The following DCUN1D4 variants were observed in gnomAD, a reference collection of about 807,000 sequenced individuals.
DCUN1D4 encodes defective in cullin neddylation 1 domain containing 4, also known as DCN1-like protein 4.
Under a neutral mutation model 47.9 loss-of-function variants are expected in DCUN1D4, and 22 were observed. The observed-to-expected ratio is 0.46, with a 90% CI of 0.33 to 0.66. The LOEUF (loss-of-function observed/expected upper bound fraction) is 0.66, where lower values mean the gene tolerates loss of function less well. Among genes scored for constraint, DCUN1D4 ranks in the 30% least tolerant of loss-of-function variants. The pLI is 0.02. For missense variants in DCUN1D4, 301 were observed against 340.8 expected, an observed-to-expected ratio of 0.88 and a Z score of 0.92; for synonymous variants, 121 against 112.2, an observed-to-expected ratio of 1.08 and a Z score of -0.50.
At chr4:51,860,527 A>T (rs1292462933) in intron 1 of DCUN1D4, 1 of 452,382 alleles carries the variant, frequency 2.2e-6, no homozygotes, top group Non-Finnish European at 4.4e-6. Context: ...GGTTTAATTG[A>T]CTCACGGTTC....
chr4:51,912,931 A>G (rs980609810), intron 9 of DCUN1D4, among the ~76,000 whole-genome samples: 1 of 152,198 alleles, frequency 6.6e-6, no homozygotes, highest in African/African-American at 2.4e-5. Flanking sequence ...GCTTCACATA[A>G]ATTAGTAAAT....
chr4:51,874,625 G>T (rs1020434104), intron 4 of DCUN1D4: 1 of 357,526 alleles, frequency 2.8e-6, no homozygotes, highest in Non-Finnish European at 5.1e-6. Flanking sequence ...TCCATTGATC[G>T]CCCAAAACTG....
At chr4:51,867,366 G>A (rs950832561) in intron 3 of DCUN1D4, among the ~76,000 whole-genome samples, 9 of 152,232 alleles carry the variant, frequency 5.9e-5, no homozygotes, top group African/African-American at 1.9e-4. Context: ...CAAGGGGTGC[G>A]TTTCAGCCCT....
chr4:51,875,844 T>C (rs999098123), intron 4 of DCUN1D4, among the ~76,000 whole-genome samples: 20 of 152,224 alleles, frequency 1.3e-4, no homozygotes, highest in Admixed American at 1.3e-3. Context: ...TGGTTCTTTT[T>C]TATGTATTTT....
At chr4:51,883,956 C>G (rs1360291082) in intron 5 of DCUN1D4, among the ~76,000 whole-genome samples, 2 of 148,706 alleles carry the variant, frequency 1.3e-5, no homozygotes, top group African/African-American at 4.9e-5. Context: ...TTCTGATAAT[C>G]AAGATAAGAA....
upstream of DCUN1D4, among the ~76,000 whole-genome samples, chr4:51,838,713 C>T (rs1470430609): frequency 6.6e-6 from 1 of 152,152 alleles, no homozygotes; most frequent in Non-Finnish European, 1.5e-5. Flanking sequence ...AGCATGTTAA[C>T]AACCATATTA....
chr4:51,904,350 T>C (rs1018574803), intron 8 of DCUN1D4, among the ~76,000 whole-genome samples: 4 of 152,146 alleles, frequency 2.6e-5, no homozygotes, highest in African/African-American at 7.2e-5. Flanking sequence ...TGCTCACTCA[T>C]TTGCAATGTT....
intron 7 of DCUN1D4, among the ~76,000 whole-genome samples, chr4:51,896,472 G>A (rs925304855): frequency 6.6e-6 from 1 of 151,956 alleles, no homozygotes; most frequent in African/African-American, 2.4e-5. Context: ...TATGGCTTTG[G>A]TCCTTGACCC....
upstream of DCUN1D4, among the ~76,000 whole-genome samples, chr4:51,839,741 C>T (rs962403206): frequency 6.6e-6 from 1 of 152,138 alleles, no homozygotes; most frequent in African/African-American, 2.4e-5. Flanking sequence ...TAAATCTTAC[C>T]AGGGACACAT....
At chr4:51,834,232 G>A in the DCUN1D4 span, among the ~76,000 whole-genome samples, 7 of 149,822 alleles carry the variant, frequency 4.7e-5, no homozygotes, top group South Asian at 6.4e-4. Flanking sequence ...GGAATGAGAC[G>A]TTGGAAAAGC....
chr4:51,892,240 T>C (rs958287712), intron 7 of DCUN1D4, among the ~76,000 whole-genome samples: 2 of 152,216 alleles, frequency 1.3e-5, no homozygotes, highest in African/African-American at 4.8e-5. Flanking sequence ...CCAACATATT[T>C]TCATTCCAAC....
chr4:51,862,309 C>G (rs937758697), intron 1 of DCUN1D4, among the ~76,000 whole-genome samples: 1 of 152,220 alleles, frequency 6.6e-6, no homozygotes, highest in Admixed American at 6.5e-5. Flanking sequence ...GAACTGGATG[C>G]CCAACAAGCT....
chr4:51,885,467 G>C, intron 5 of DCUN1D4, among the ~76,000 whole-genome samples: 1 of 152,338 alleles, frequency 6.6e-6, no homozygotes, highest in East Asian at 1.9e-4. Flanking sequence ...GCCTGATATC[G>C]AGAGACATTG....
intron 7 of DCUN1D4, among the ~76,000 whole-genome samples, chr4:51,897,259 T>C (rs1731408674): frequency 6.6e-6 from 1 of 152,358 alleles, no homozygotes; most frequent in South Asian, 2.1e-4. Context: ...ACATTTAATA[T>C]AATTGCAGGC....
intron 8 of DCUN1D4, among the ~76,000 whole-genome samples, chr4:51,908,491 G>C (rs1733234507): frequency 6.6e-6 from 1 of 152,004 alleles, no homozygotes; most frequent in Non-Finnish European, 1.5e-5. Flanking sequence ...GCTCCTTGGT[G>C]CTCCATGAGC....
At chr4:51,841,646 T>C (rs1351511628), upstream of DCUN1D4, among the ~76,000 whole-genome samples, 1 of 152,178 alleles carries the variant, frequency 6.6e-6, no homozygotes, top group African/African-American at 2.4e-5. Context: ...ATTATAAGGA[T>C]GTAATTTATT....
upstream of DCUN1D4, among the ~76,000 whole-genome samples, chr4:51,842,371 C>T (rs939985182): frequency 7.2e-5 from 11 of 152,270 alleles, no homozygotes; most frequent in African/African-American, 2.4e-4. Context: ...TCGTGGCATT[C>T]GAAGCCTCTT....
intron 4 of DCUN1D4, chr4:51,875,232 G>A (rs1267614982): frequency 1.3e-5 from 2 of 152,184 alleles, no homozygotes; most frequent in Non-Finnish European, 1.5e-5. Flanking sequence ...TTATCTGAAA[G>A]AAGATAGTAG....
rs1381979556 is a variant in DCUN1D4 at position 51,916,193 on chromosome 4, C to T, written c.*2609C>T. On this transcript the variant is annotated 3_prime_UTR_variant, in exon 11 of 11. Coordinates refer to ENST00000334635, the MANE Select transcript of DCUN1D4 (RefSeq NM_001040402.3). ...GTTTCGAACTCCACATTGCAATACTCTGTTGTCATGGAATACAACCTTTAG... is the reference window on the plus strand; with the variant it reads ...GTTTCGAACTCCACATTGCAATACTTTGTTGTCATGGAATACAACCTTTAG... The T allele has an allele frequency of 6.6e-6, 1 of 152,108 alleles. No individual in the cohort carries two copies. Among genetic ancestry groups the T allele is most frequent in the Non-Finnish European group, 1.5e-5 (1 of 67,982 alleles). The allele number at this position is 152,108 out of a possible 1,614,324, so 9.4% of individuals were successfully genotyped here. A position where few individuals can be genotyped will look rare whatever the true frequency, so the allele number is the denominator to read the frequency against.
Sources: gnomAD v4.1 joint callset for allele counts (sites outside exome capture counted in the v4.1 genomes callset) on GRCh38, gnomAD v4.1.1 for gene constraint, MANE v1.5 for transcripts, NCBI Gene and HGNC (gene_info 2026-07-23, HGNC 2026-07-21) for gene names.